The following MEGF11 variants were observed in gnomAD, a reference collection of about 807,000 sequenced individuals.
The protein encoded by MEGF11 is multiple epidermal growth factor-like domains protein 11.
In MEGF11, 126 loss-of-function variants were observed where a neutral mutation model predicts 146.6. That is an observed-to-expected ratio of 0.86 (90% confidence interval 0.74 to 1.00). MEGF11 has a LOEUF of 1.00. Among genes scored for constraint, MEGF11 ranks in the 50% least tolerant of loss-of-function variants. MEGF11 has a pLI of 0.00. For synonymous variants in MEGF11, 532 were observed against 583.4 expected, an observed-to-expected ratio of 0.91 and a Z score of 1.27; for missense variants, 1,509 against 1,521.2, an observed-to-expected ratio of 0.99 and a Z score of 0.13.
At chr15:65,916,301 C>T (rs768590062) in intron 17 of MEGF11, 25 bp from the exon 18 acceptor site, 41 of 1,545,078 alleles carry the variant, frequency 2.7e-5, no homozygotes, top group Admixed American at 7.8e-5. Flanking sequence ...TTTCCAGTCA[C>T]GAGAGTTGCT....
Position 65,930,808 on chromosome 15 carries a change from G to T in MEGF11, c.1408+15C>A. On this transcript the variant is annotated intron_variant, in intron 11 of 25. Transcript: ENST00000395614. ...TCATATGTCAGGGATGGGCTTGGGA[G>T]AGAGGGCACATTACCTTCCTTGCAG... 1 of 1,596,644 alleles carries T rather than the reference G, an allele frequency of 6.3e-7. No homozygotes were observed. The highest frequency in any genetic ancestry group is 8.6e-7 in the Non-Finnish European group (1 of 1,169,312).
At chr15:66,076,323 CTG>C (rs1420665805) in intron 5 of MEGF11, among the ~76,000 whole-genome samples, 1 of 142,404 alleles carries the variant, frequency 7.0e-6, no homozygotes, top group African/African-American at 2.6e-5. Context: ...CTTGATAACT[CTG>C]TCATGTTACT....
intron 1 of MEGF11, among the ~76,000 whole-genome samples, chr15:66,217,689 C>A (rs772319056): frequency 3.2e-4 from 49 of 152,198 alleles, no homozygotes; most frequent in Non-Finnish European, 6.2e-4. Flanking sequence ...TGACATTAGG[C>A]CCCTTGTTTC....
intron 1 of MEGF11, among the ~76,000 whole-genome samples, chr15:66,206,697 G>C (rs995320026): frequency 2.0e-5 from 3 of 151,992 alleles, no homozygotes; most frequent in South Asian, 2.1e-4. Context: ...TCAGGAGTTC[G>C]AGACAAGCCT....
intron 1 of MEGF11, among the ~76,000 whole-genome samples, chr15:66,218,203 T>C (rs1045675156): frequency 6.6e-6 from 1 of 152,216 alleles, no homozygotes; most frequent in African/African-American, 2.4e-5. Flanking sequence ...ATCAATGTGG[T>C]TCATCCCTAG....
intron 5 of MEGF11, among the ~76,000 whole-genome samples, chr15:66,047,511 T>C (rs1266602980): frequency 4.6e-5 from 7 of 152,316 alleles, no homozygotes; most frequent in Non-Finnish European, 8.8e-5. Context: ...CTGGGAATAA[T>C]AAACACGAAC....
chr15:66,141,638 T>G (rs2089173306), intron 1 of MEGF11, among the ~76,000 whole-genome samples: 2 of 151,986 alleles, frequency 1.3e-5, no homozygotes, highest in African/African-American at 2.4e-5. Context: ...ATCTGCTACA[T>G]GCAGTGGTCA....
At chr15:66,091,481 T>C (rs186750653) in intron 5 of MEGF11, among the ~76,000 whole-genome samples, 1 of 152,206 alleles carries the variant, frequency 6.6e-6, no homozygotes, top group Non-Finnish European at 1.5e-5. Flanking sequence ...AAGTTACAAT[T>C]GTATAAATAA....
chr15:65,981,663 G>T (rs2081643366), intron 6 of MEGF11, among the ~76,000 whole-genome samples: 1 of 152,196 alleles, frequency 6.6e-6, no homozygotes, highest in Non-Finnish European at 1.5e-5. Flanking sequence ...TCTCAGCTAA[G>T]CAGTCTTGTA....
At chr15:66,120,942 T>G (rs2126698) in intron 3 of MEGF11, among the ~76,000 whole-genome samples, 130,707 of 152,072 alleles carry the variant, frequency 0.86, 56,699 homozygotes, top group East Asian at 0.98. Flanking sequence ...CCCTGTGCAG[T>G]TTGGAAAGCA....
chr15:66,065,832 C>T (rs541450935), intron 5 of MEGF11, among the ~76,000 whole-genome samples: 3 of 152,116 alleles, frequency 2.0e-5, no homozygotes, highest in Admixed American at 6.5e-5. Flanking sequence ...GAGGGCCCGG[C>T]GAAGTGGGGG....
At chr15:65,919,548 A>T (rs1163071615) in intron 15 of MEGF11, among the ~76,000 whole-genome samples, 2 of 134,324 alleles carry the variant, frequency 1.5e-5, no homozygotes, top group South Asian at 2.2e-4. Context: ...CAAAAAAAAA[A>T]TGCTGACACA....
intron 7 of MEGF11, 41 bp downstream of exon 7, chr15:65,980,737 A>G: frequency 6.5e-7 from 1 of 1,542,984 alleles, no homozygotes; most frequent in Non-Finnish European, 8.7e-7. Context: ...ATGAAGGCTC[A>G]GCCCTCCAGT....
intron 1 of MEGF11, among the ~76,000 whole-genome samples, chr15:66,198,225 G>A (rs1409008510): frequency 6.6e-6 from 1 of 152,308 alleles, no homozygotes; most frequent in Non-Finnish European, 1.5e-5. Flanking sequence ...ATAGACAAAC[G>A]TTCAACAGAG....
At chr15:66,152,857 C>G (rs891195443) in intron 1 of MEGF11, among the ~76,000 whole-genome samples, 1 of 152,234 alleles carries the variant, frequency 6.6e-6, no homozygotes, top group Non-Finnish European at 1.5e-5. Context: ...CAGGACCGGG[C>G]ATGGGAGGGT....
At chr15:65,898,473 G>C in intron 25 of MEGF11, 1 of 985,256 alleles carries the variant, frequency 1.0e-6, no homozygotes, top group East Asian at 1.1e-4. Flanking sequence ...GCACGTGCAT[G>C]TGCCCATTTC....
intron 5 of MEGF11, among the ~76,000 whole-genome samples, chr15:66,006,119 G>A (rs1392700222): frequency 6.6e-6 from 1 of 152,220 alleles, no homozygotes; most frequent in African/African-American, 2.4e-5. Context: ...CTCATAGAGA[G>A]ATAAATGGGA....
At chr15:65,954,460 A>G (rs2080508493) in intron 10 of MEGF11, among the ~76,000 whole-genome samples, 1 of 152,150 alleles carries the variant, frequency 6.6e-6, no homozygotes, top group Admixed American at 6.5e-5. Context: ...ATGCTGGTTG[A>G]GAACAATGAA....
intron 4 of MEGF11, among the ~76,000 whole-genome samples, chr15:66,100,945 C>T (rs535623277): frequency 4.3e-4 from 63 of 146,930 alleles, no homozygotes; most frequent in African/African-American, 1.5e-3. Context: ...AGCGTGTGAG[C>T]CAGTGAGTGA....
Sources: gnomAD v4.1 joint callset for allele counts (sites outside exome capture counted in the v4.1 genomes callset) on GRCh38, gnomAD v4.1.1 for gene constraint, MANE v1.5 for transcripts, NCBI Gene and HGNC (gene_info 2026-07-23, HGNC 2026-07-21) for gene names.